Variants in SPATA6 observed in about 807,000 individuals in gnomAD.
The protein encoded by SPATA6 is spermatogenesis-associated protein 6.
In SPATA6, 56 loss-of-function variants were observed where a neutral mutation model predicts 65.3. The ratio of observed to expected loss-of-function variants is 0.86; its 90% CI spans 0.69 to 1.07. SPATA6 has a LOEUF of 1.07. Among genes scored for constraint, SPATA6 ranks in the 50% least tolerant of loss-of-function variants. The pLI, the probability that SPATA6 is intolerant of heterozygous loss-of-function variation, is 0.00. For missense variants in SPATA6, 590 were observed against 594.8 expected, an observed-to-expected ratio of 0.99 and a Z score of 0.08; for synonymous variants, 199 against 213.2, an observed-to-expected ratio of 0.93 and a Z score of 0.58.
At chr1:48,316,442 C>T (rs1159305530) in intron 11 of SPATA6, among the ~76,000 whole-genome samples, 1 of 152,182 alleles carries the variant, frequency 6.6e-6, no homozygotes, top group African/African-American at 2.4e-5. Flanking sequence ...AAAGGATTCC[C>T]TATTTAATAA....
intron 11 of SPATA6, among the ~76,000 whole-genome samples, chr1:48,321,577 A>G (rs2148703142): frequency 6.6e-6 from 1 of 152,314 alleles, no homozygotes; most frequent in African/African-American, 2.4e-5. Flanking sequence ...ATAGATGGGG[A>G]CTTCAACACT....
intron 1 of SPATA6, 128 bp from the exon 2 acceptor site, chr1:48,453,259 A>AAG (rs940732666): frequency 5.7e-6 from 6 of 1,046,188 alleles, no homozygotes; most frequent in Admixed American, 3.1e-5. Context: ...CTCACAAATA[A>AAG]AGAGAGAGAG....
intron 9 of SPATA6, among the ~76,000 whole-genome samples, chr1:48,378,115 T>C (rs1027810077): frequency 2.0e-5 from 3 of 152,174 alleles, no homozygotes; most frequent in Non-Finnish European, 4.4e-5. Flanking sequence ...TAAATTTCTA[T>C]TATATTAAGT....
intron 3 of SPATA6, among the ~76,000 whole-genome samples, chr1:48,419,405 G>A (rs1173790514): frequency 6.6e-6 from 1 of 152,178 alleles, no homozygotes; most frequent in East Asian, 1.9e-4. Flanking sequence ...AGTTGCTAGA[G>A]GGAGACAAGG....
chr1:48,329,664 C>A (rs1040820368), intron 11 of SPATA6, among the ~76,000 whole-genome samples: 19 of 152,186 alleles, frequency 1.2e-4, no homozygotes, highest in Non-Finnish European at 2.6e-4. Context: ...GGCTGATGAA[C>A]ACAGATGCTG....
chr1:48,456,945 ATCT>A (rs1657050393), intron 1 of SPATA6, among the ~76,000 whole-genome samples: 1 of 152,196 alleles, frequency 6.6e-6, no homozygotes, highest in Non-Finnish European at 1.5e-5. Context: ...AATATATGAA[ATCT>A]TCTGATGTTT....
At chr1:48,356,536 C>T (rs1372962223) in intron 10 of SPATA6, among the ~76,000 whole-genome samples, 13 of 128,418 alleles carry the variant, frequency 1.0e-4, no homozygotes, top group African/African-American at 2.2e-4. Flanking sequence ...TTTTTTGACA[C>T]GGAGTCTCGC....
At chr1:48,429,473 C>T (rs1043771872) in intron 3 of SPATA6, among the ~76,000 whole-genome samples, 2 of 151,744 alleles carry the variant, frequency 1.3e-5, no homozygotes, top group Non-Finnish European at 2.9e-5. Flanking sequence ...ATGAAAAAAT[C>T]GAAAACAATA....
chr1:48,419,136 T>A (rs1368198590), intron 3 of SPATA6, among the ~76,000 whole-genome samples: 4 of 152,198 alleles, frequency 2.6e-5, no homozygotes, highest in Non-Finnish European at 5.9e-5. Flanking sequence ...AAACAGTATC[T>A]TCTGTGTGTC....
At chr1:48,385,388 G>T in intron 8 of SPATA6, 39 bp from the exon 9 acceptor site, 2 of 1,571,794 alleles carry the variant, frequency 1.3e-6, no homozygotes, top group East Asian at 2.3e-5. Flanking sequence ...GTTTAAATTT[G>T]GTTTCATCTT....
chr1:48,369,672 C>T (rs536760003), intron 9 of SPATA6, among the ~76,000 whole-genome samples: 1 of 152,308 alleles, frequency 6.6e-6, no homozygotes, highest in African/African-American at 2.4e-5. Context: ...TTCCAGGTGC[C>T]GTCTGTCACC....
intron 1 of SPATA6, among the ~76,000 whole-genome samples, chr1:48,465,337 C>G (rs1266746515): frequency 6.6e-6 from 1 of 152,192 alleles, no homozygotes; most frequent in East Asian, 1.9e-4. Context: ...TGTACTCTGG[C>G]CTCCAGAAAT....
chr1:48,286,522 C>G, the SPATA6 span, among the ~76,000 whole-genome samples: 2 of 152,026 alleles, frequency 1.3e-5, no homozygotes, highest in Admixed American at 6.6e-5. Flanking sequence ...TATTCTGCAA[C>G]TTTATTGAAT....
Position 48,297,694 on chromosome 1 carries a change from T to C in SPATA6, c.*1019A>G, listed in dbSNP as rs1193960905. The C allele has an allele frequency of 6.6e-6, 1 of 152,176 alleles. No homozygotes were observed. Among genetic ancestry groups the C allele is most frequent in the African/African-American group, 2.4e-5 (1 of 41,452 alleles). The allele number at this position is 152,176 out of a possible 1,614,324, so 9.4% of individuals were successfully genotyped here. On this transcript the variant is annotated 3_prime_UTR_variant, in exon 13 of 13. Coordinates refer to ENST00000371847, the MANE Select transcript of SPATA6 (RefSeq NM_019073.4). ...AAATATAAAGTAGCTGATTTCTTTA[T>C]GTCTTTATAGTATCATTGGCTTCAC...
the SPATA6 span, among the ~76,000 whole-genome samples, chr1:48,280,562 C>G: frequency 6.6e-6 from 1 of 152,188 alleles, no homozygotes; most frequent in Non-Finnish European, 1.5e-5. Context: ...CACCTCTACA[C>G]AAATAAACTA....
At chr1:48,413,317 G>A (rs1304437240) in intron 3 of SPATA6, among the ~76,000 whole-genome samples, 166 bp from the exon 4 acceptor site, 1 of 150,008 alleles carries the variant, frequency 6.7e-6, no homozygotes, top group Non-Finnish European at 1.5e-5. Flanking sequence ...TTGAGACAGG[G>A]TCTCACTCTG....
At chr1:48,294,042 C>T (rs181540917), downstream of SPATA6, among the ~76,000 whole-genome samples, 31 of 152,304 alleles carry the variant, frequency 2.0e-4, no homozygotes, top group Non-Finnish European at 2.9e-4. Flanking sequence ...CTTACCTCTT[C>T]GTTTCGTACA....
intron 5 of SPATA6, among the ~76,000 whole-genome samples, chr1:48,409,191 A>G (rs934546910): frequency 1.3e-5 from 2 of 152,254 alleles, no homozygotes; most frequent in African/African-American, 2.4e-5. Context: ...CAACAACTCC[A>G]AATGGGAGAA....
chr1:48,372,460 C>T (rs1647389374), intron 9 of SPATA6, among the ~76,000 whole-genome samples: 1 of 152,194 alleles, frequency 6.6e-6, no homozygotes, highest in African/African-American at 2.4e-5. Context: ...CAGCTCCACC[C>T]CTGTGGTTTT....
Sources: gnomAD v4.1 joint callset for allele counts (sites outside exome capture counted in the v4.1 genomes callset) on GRCh38, gnomAD v4.1.1 for gene constraint, MANE v1.5 for transcripts, NCBI Gene and HGNC (gene_info 2026-07-23, HGNC 2026-07-21) for gene names.